Variants in L3MBTL4 observed in about 807,000 individuals in gnomAD.
L3MBTL4 encodes lethal(3)malignant brain tumor-like protein 4.
In L3MBTL4, 70 loss-of-function variants were observed where a neutral mutation model predicts 84.5. The observed-to-expected ratio is 0.83, with a 90% CI of 0.68 to 1.01. L3MBTL4 has a LOEUF of 1.01. L3MBTL4 is among the 50% of genes least tolerant of loss of function. The pLI, the probability that L3MBTL4 is intolerant of heterozygous loss-of-function variation, is 0.00. For synonymous variants in L3MBTL4, 274 were observed against 259.8 expected, an observed-to-expected ratio of 1.05 and a Z score of -0.52; for missense variants, 715 against 754.8, an observed-to-expected ratio of 0.95 and a Z score of 0.62.
chr18:5,956,212 G>T lies in L3MBTL4; in HGVS notation c.*8C>A. The T allele has an allele frequency of 1.2e-6, 2 of 1,609,202 alleles. No individual in the cohort carries two copies. Among genetic ancestry groups the T allele is most frequent in the Non-Finnish European group, 1.7e-6 (2 of 1,177,494 alleles). On this transcript the variant is annotated 3_prime_UTR_variant, in exon 19 of 19. Coordinates refer to ENST00000317931, the MANE Select transcript of L3MBTL4 (RefSeq NM_001330559.2). ...GTCTTGGTGCCAGAGGAAGTTCAGG[G>T]AGCCCATTCATCCCCTGACTTCTTG...
intron 16 of L3MBTL4, among the ~76,000 whole-genome samples, chr18:6,006,224 A>T (rs114048632): frequency 6.6e-6 from 1 of 152,216 alleles, no homozygotes; most frequent in Non-Finnish European, 1.5e-5. Context: ...GATGCCGAAC[A>T]CTGAGTATGT....
At chr18:6,310,154 G>C (rs1395867631) in intron 3 of L3MBTL4, among the ~76,000 whole-genome samples, 2 of 152,184 alleles carry the variant, frequency 1.3e-5, no homozygotes, top group East Asian at 3.9e-4. Context: ...CAAATCCTGA[G>C]TCTCCTCGTG....
chr18:6,366,056 A>G (rs1257920206), intron 1 of L3MBTL4, among the ~76,000 whole-genome samples: 1 of 152,214 alleles, frequency 6.6e-6, no homozygotes, highest in African/African-American at 2.4e-5. Context: ...TCAATTATAT[A>G]CATGCCTGGG....
chr18:6,353,848 C>T (rs2053314342), intron 1 of L3MBTL4, among the ~76,000 whole-genome samples: 1 of 151,782 alleles, frequency 6.6e-6, no homozygotes, highest in South Asian at 2.1e-4. Context: ...TTAAAATGTC[C>T]ATACTACCCA....
chr18:6,387,771 C>A (rs2144470403), intron 1 of L3MBTL4, among the ~76,000 whole-genome samples: 1 of 152,304 alleles, frequency 6.6e-6, no homozygotes, highest in African/African-American at 2.4e-5. Context: ...AGAAGGGCTG[C>A]AAAGCCCCTA....
intron 16 of L3MBTL4, among the ~76,000 whole-genome samples, chr18:5,987,637 C>A (rs2053522857): frequency 1.3e-5 from 2 of 152,210 alleles, no homozygotes; most frequent in Admixed American, 1.3e-4. Context: ...ATATATCTTT[C>A]TCAATGTCTC....
intron 1 of L3MBTL4, among the ~76,000 whole-genome samples, chr18:6,359,990 T>TGGCAAGTAAAAC (rs2053611774): frequency 6.6e-6 from 1 of 152,154 alleles, no homozygotes; most frequent in Admixed American, 6.5e-5. Context: ...CATGACATAC[T>TGGCAAGTAAAAC]AACAACAAGC....
At chr18:5,987,305 T>C (rs924728319) in intron 16 of L3MBTL4, among the ~76,000 whole-genome samples, 1 of 152,248 alleles carries the variant, frequency 6.6e-6, no homozygotes, top group Non-Finnish European at 1.5e-5. Context: ...ATGTGTTTAT[T>C]TCTCAAAAGC....
intron 16 of L3MBTL4, among the ~76,000 whole-genome samples, chr18:6,045,503 G>A (rs1568028123): frequency 6.6e-6 from 1 of 152,302 alleles, no homozygotes; most frequent in East Asian, 1.9e-4. Flanking sequence ...CATAATTACG[G>A]TGGAAGGCAA....
At chr18:6,311,134 C>T (rs1232734634) in intron 3 of L3MBTL4, among the ~76,000 whole-genome samples, 1 of 152,014 alleles carries the variant, frequency 6.6e-6, no homozygotes, top group African/African-American at 2.4e-5. Flanking sequence ...CTCTCTCTCA[C>T]CCTCTCTCTC....
intron 4 of L3MBTL4, among the ~76,000 whole-genome samples, chr18:6,288,710 G>A (rs960051740): frequency 2.0e-5 from 3 of 151,572 alleles, no homozygotes; most frequent in South Asian, 4.2e-4. Flanking sequence ...TGTAAAATTG[G>A]TTAATAAAAA....
chr18:6,411,880 T>C (rs2055979457), intron 1 of L3MBTL4, among the ~76,000 whole-genome samples: 1 of 152,238 alleles, frequency 6.6e-6, no homozygotes, highest in Non-Finnish European at 1.5e-5. Context: ...TGTTTAGTTT[T>C]TCACAACGCA....
rs78821915 is a variant in L3MBTL4 at position 6,152,931 on chromosome 18, C to T, written c.1097-14635G>A. ...TTGTATGTGGTGCAAGACAAGGGTC[C>T]AATTTCATTCTTCTGCATGTGGATA... On this transcript the variant is annotated intron_variant, in intron 13 of 18. Transcript: ENST00000317931. Among the ~76,000 whole-genome samples, 1,257 of 152,192 alleles carry T rather than the reference C, an allele frequency of 8.3e-3. 21 individuals carry two copies. The highest frequency in any genetic ancestry group is 0.029 in the African/African-American group (1,208 of 41,532).
chr18:6,386,077 A>T (rs576707458), intron 1 of L3MBTL4, among the ~76,000 whole-genome samples: 1 of 152,342 alleles, frequency 6.6e-6, no homozygotes, highest in East Asian at 1.9e-4. Context: ...TATATAAATA[A>T]CTGCAATCAA....
chr18:6,006,131 A>T (rs1170067895), intron 16 of L3MBTL4, among the ~76,000 whole-genome samples: 1 of 152,248 alleles, frequency 6.6e-6, no homozygotes, highest in Non-Finnish European at 1.5e-5. Context: ...ACTGTTTTAA[A>T]CATGCACAAA....
At chr18:6,042,320 C>A (rs1263153657) in intron 16 of L3MBTL4, among the ~76,000 whole-genome samples, 1 of 152,066 alleles carries the variant, frequency 6.6e-6, no homozygotes, top group Non-Finnish European at 1.5e-5. Context: ...GACACTGGAA[C>A]ACTAAGTGCC....
intron 16 of L3MBTL4, among the ~76,000 whole-genome samples, chr18:6,073,662 G>T (rs557720488): frequency 6.6e-6 from 1 of 152,102 alleles, no homozygotes; most frequent in Non-Finnish European, 1.5e-5. Context: ...GTAGTCAGGG[G>T]GTATAAAATT....
At chr18:6,348,822 T>G (rs2053044943) in intron 1 of L3MBTL4, among the ~76,000 whole-genome samples, 1 of 152,112 alleles carries the variant, frequency 6.6e-6, no homozygotes, top group South Asian at 2.1e-4. Context: ...TGGACACTCA[T>G]CCAGAAAATA....
intron 1 of L3MBTL4, among the ~76,000 whole-genome samples, chr18:6,348,257 G>T (rs59596655): frequency 0.15 from 22,637 of 151,920 alleles, 1,826 homozygotes; most frequent in African/African-American, 0.2. Context: ...AGTATAGAGG[G>T]ATTTTTAAAG....
Sources: allele counts gnomAD v4.1 joint callset (sites outside exome capture counted in the v4.1 genomes callset), GRCh38; gene constraint gnomAD v4.1.1; transcripts MANE v1.5; gene names NCBI Gene and HGNC (gene_info 2026-07-23, HGNC 2026-07-21).